SPON1: variants seen among roughly 807,000 people sequenced by gnomAD.
SPON1 encodes the protein spondin 1, also known as spondin-1.
SPON1 carries 52 observed loss-of-function variants against 111.7 expected under a neutral mutation model. That is an observed-to-expected ratio of 0.47 (90% CI 0.37 to 0.59). SPON1 has a LOEUF of 0.59. Among genes scored for constraint, SPON1 ranks in the 20% least tolerant of loss-of-function variants. The probability of loss-of-function intolerance (pLI) is 0.00; values close to 1 mark genes in which losing one functional copy is unlikely to be tolerated. For synonymous variants in SPON1, 410 were observed against 395.8 expected, an observed-to-expected ratio of 1.04 and a Z score of -0.43; for missense variants, 957 against 1,068.5, an observed-to-expected ratio of 0.90 and a Z score of 1.46.
At chr11:14,084,354 T>A (rs782180282) in intron 5 of SPON1, among the ~76,000 whole-genome samples, 40 of 152,184 alleles carry the variant, frequency 2.6e-4, no homozygotes, top group Admixed American at 3.9e-4. Context: ...TGTGTCCATG[T>A]GTTCTCATTG....
chr11:14,241,163 A>C (rs1461027977), intron 6 of SPON1, among the ~76,000 whole-genome samples: 2 of 152,218 alleles, frequency 1.3e-5, no homozygotes, highest in African/African-American at 4.8e-5. Context: ...ACGGAGAAGG[A>C]GACAGAAGGC....
intron 5 of SPON1, among the ~76,000 whole-genome samples, chr11:14,118,143 G>A (rs1849279983): frequency 6.6e-6 from 1 of 152,280 alleles, no homozygotes; most frequent in Non-Finnish European, 1.5e-5. Context: ...ACAAAGCGAA[G>A]TTGTTTACTG....
chr11:14,114,759 A>G (rs1280385854), intron 5 of SPON1, among the ~76,000 whole-genome samples: 1 of 151,900 alleles, frequency 6.6e-6, no homozygotes, highest in Non-Finnish European at 1.5e-5. Context: ...GGCACTTTCC[A>G]CACTGCACTG....
intron 5 of SPON1, among the ~76,000 whole-genome samples, chr11:14,102,495 C>CA: frequency 6.6e-6 from 1 of 152,320 alleles, no homozygotes; most frequent in Admixed American, 6.5e-5. Context: ...AGACTAGCCA[C>CA]ATTTCAATCA....
At chr11:14,248,365 AT>A (rs568734320) in intron 7 of SPON1, among the ~76,000 whole-genome samples, 164 of 149,692 alleles carry the variant, frequency 1.1e-3, no homozygotes, top group East Asian at 3.3e-3. Flanking sequence ...TCAAAGGAGC[AT>A]TTTTTTTTTC....
intron 5 of SPON1, among the ~76,000 whole-genome samples, chr11:14,127,519 T>C (rs560057856): frequency 6.6e-6 from 1 of 152,174 alleles, no homozygotes; most frequent in Non-Finnish European, 1.5e-5. Flanking sequence ...TCCCTGGGTA[T>C]GTCCTACCAA....
intron 15 of SPON1, among the ~76,000 whole-genome samples, chr11:14,264,861 C>T (rs1554942304): frequency 6.6e-6 from 1 of 152,162 alleles, no homozygotes; most frequent in African/African-American, 2.4e-5. Context: ...GTAGGAAGAA[C>T]AAAAATTGTA....
intron 3 of SPON1, among the ~76,000 whole-genome samples, chr11:14,051,189 T>G (rs181247082): frequency 2.0e-5 from 3 of 152,110 alleles, no homozygotes; most frequent in African/African-American, 7.2e-5. Context: ...CTTTGTGCTA[T>G]AATTAGATCA....
chr11:14,103,761 T>TCAAATAAAACA (rs1849163774), intron 5 of SPON1, among the ~76,000 whole-genome samples: 1 of 152,218 alleles, frequency 6.6e-6, no homozygotes, highest in Non-Finnish European at 1.5e-5. Flanking sequence ...TGTTTGCTTG[T>TCAAATAAAACA]TTGTTGTTCA....
intron 1 of SPON1, among the ~76,000 whole-genome samples, chr11:13,970,012 G>C (rs1302562365): frequency 2.0e-5 from 3 of 152,196 alleles, no homozygotes; most frequent in Non-Finnish European, 2.9e-5. Flanking sequence ...GTAGCAAGTG[G>C]CCCAAATCAT....
chr11:14,231,625 A>G (rs1554938744), intron 6 of SPON1, among the ~76,000 whole-genome samples: 1 of 152,196 alleles, frequency 6.6e-6, no homozygotes, highest in African/African-American at 2.4e-5. Context: ...CTAGAAATAT[A>G]TACACACACA....
At chr11:14,083,102 A>T (rs1280285207) in intron 5 of SPON1, among the ~76,000 whole-genome samples, 3 of 152,214 alleles carry the variant, frequency 2.0e-5, no homozygotes, top group Non-Finnish European at 4.4e-5. Context: ...CTAGTAAATT[A>T]AAAATAATAA....
intron 3 of SPON1, among the ~76,000 whole-genome samples, chr11:14,074,634 T>C: frequency 6.6e-6 from 1 of 152,208 alleles, no homozygotes; most frequent in East Asian, 1.9e-4. Context: ...ATCCAACCCC[T>C]TCAAGGCCAG....
chr11:14,164,061 G>A (rs12287340), intron 6 of SPON1, among the ~76,000 whole-genome samples: 59,677 of 151,974 alleles, frequency 0.39, 11,973 homozygotes, highest in East Asian at 0.55. Flanking sequence ...TGGAAAAACT[G>A]TTAAAATGCC....
chr11:14,224,866 A>G (rs1848720598), intron 6 of SPON1: 3 of 309,402 alleles, frequency 9.7e-6, no homozygotes, highest in Non-Finnish European at 2.0e-5. Flanking sequence ...AGAGTGGAGT[A>G]GCCTGATCAA....
intron 5 of SPON1, among the ~76,000 whole-genome samples, chr11:14,119,710 T>C (rs1404852081): frequency 1.3e-5 from 2 of 152,166 alleles, no homozygotes; most frequent in African/African-American, 2.4e-5. Context: ...AGCTGTCTAC[T>C]TGCCACATGT....
At chr11:14,256,817 G>T in intron 10 of SPON1, 125 bp downstream of exon 10, 1 of 722,500 alleles carries the variant, frequency 1.4e-6, no homozygotes, top group Admixed American at 2.7e-5. Context: ...TATCTCTGAG[G>T]ATTTCTCCTC....
chr11:14,163,543 T>TC (rs1847991986), intron 6 of SPON1, among the ~76,000 whole-genome samples: 1 of 151,598 alleles, frequency 6.6e-6, no homozygotes, highest in Non-Finnish European at 1.5e-5. Flanking sequence ...CCCCAGATTC[T>TC]CCCCCCATAC....
At chr11:14,254,426 A>G (rs1849084596) in intron 7 of SPON1, 102 bp from the exon 8 acceptor site, 3 of 1,059,416 alleles carry the variant, frequency 2.8e-6, no homozygotes, top group Admixed American at 2.8e-5. Context: ...GAATGTGGAT[A>G]CTCTCTGTCC....
Sources: gnomAD v4.1 joint callset for allele counts (sites outside exome capture counted in the v4.1 genomes callset) on GRCh38, gnomAD v4.1.1 for gene constraint, MANE v1.5 for transcripts, NCBI Gene and HGNC (gene_info 2026-07-23, HGNC 2026-07-21) for gene names.